Variants in PML observed in about 807,000 individuals in gnomAD.
PML encodes PML nuclear body scaffold.
Under a neutral mutation model 65.2 loss-of-function variants are expected in PML, and 28 were observed. The ratio of observed to expected loss-of-function variants is 0.43; its 90% CI spans 0.32 to 0.59. PML has a LOEUF of 0.59. PML is among the 20% of genes least tolerant of loss of function. The pLI is 0.08. For synonymous variants in PML, 500 were observed against 508.8 expected (o/e 0.98, Z 0.23); for missense variants, 1,021 against 1,203.4 (o/e 0.85, Z 2.24).
In PML at chr15:74,044,282, G is replaced by C. The variant is rs2071745501; in HGVS notation, c.1923G>C (p.Gln641His). ...AAAGCAAGTTCCGCGTGGTCATCCA[G>C]CCTGAAGCCTTCTTCAGCATCTACT... ...NRESKFRVVI[Q>H]PEAFFSIYSK... The change falls in exon 9 of 9, where the codon CAG becomes CAC. Residue 641 changes from glutamine to histidine, a missense_variant. By Grantham distance (24) the Gln-to-His change is conservative (BLOSUM62 0). Transcript: ENST00000268058. 1 of 1,613,938 alleles carries C rather than the reference G, an allele frequency of 6.2e-7. No individual in the cohort carries two copies. The highest frequency in any genetic ancestry group is 1.3e-5 in the African/African-American group (1 of 74,916).
chr15:74,036,332 A>C (rs1270083494), intron 7 of PML: 2 of 1,421,798 alleles, frequency 1.4e-6, no homozygotes, highest in African/African-American at 2.9e-5. Flanking sequence ...CCATGAGCAC[A>C]GGGACTGGCT....
At position 74,042,886 on chromosome 15, in the gene PML, A is replaced by C. The variant is rs945977163; in HGVS notation, c.1711-103A>C. ...CTTTCCCAGTGGTACACCCTCCTTC[A>C]TGTGCACGCAGATGCTCCCAGCTAT... On this transcript the variant is annotated intron_variant, in intron 7 of 8. Coordinates refer to ENST00000268058, the MANE Select transcript of PML (RefSeq NM_033238.3). This position sits in a 1 kb window ranked among gnomAD's most constrained non-coding sequence, Gnocchi z 5.3. 1 of 1,601,542 alleles carries C rather than the reference A, an allele frequency of 6.2e-7. No individual in the cohort carries two copies. Among genetic ancestry groups the C allele is most frequent in the Non-Finnish European group, 8.5e-7 (1 of 1,177,732 alleles).
chr15:73,998,070 T>C lies in PML; in HGVS notation c.196T>C (p.Cys66Arg). The C allele has an allele frequency of 6.2e-7, 1 of 1,613,484 alleles. No homozygotes were observed. Among genetic ancestry groups the C allele is most frequent in the Non-Finnish European group, 8.5e-7 (1 of 1,180,012 alleles). The change falls in exon 2 of 9, where the codon TGC (cysteine) becomes CGC (arginine). Residue 66 changes from cysteine (C) to arginine (R), a missense_variant. Transcript: ENST00000268058. Reference protein sequence around the residue: ...RCQQCQAEAKCPKLLPCLHTL... With the variant: ...RCQQCQAEAKRPKLLPCLHTL... ...CCAGCAATGCCAGGCGGAAGCCAAG[T>C]GCCCGAAGCTGCTGCCTTGTCTGCA...
chr15:74,043,392 C>A lies in PML; in HGVS notation c.1861+253C>A. ...GATGCCTCCACAAGTGCACCTCTGA[C>A]CAGTTCTTCTCTCAGACAGAGAGCC... On this transcript the variant is annotated intron_variant, in intron 8 of 8. Coordinates refer to ENST00000268058, the MANE Select transcript of PML (RefSeq NM_033238.3). This position sits in a 1 kb window ranked among gnomAD's most constrained non-coding sequence, Gnocchi z 4.3. The A allele has an allele frequency of 7.0e-7, 1 of 1,429,652 alleles. No individual in the cohort carries two copies. The highest frequency in any genetic ancestry group is 9.1e-7 in the Non-Finnish European group (1 of 1,097,610). The allele number at this position is 1,429,652 out of a possible 1,614,324, so 88.6% of individuals were successfully genotyped here.
chr15:74,002,004 GAAA>G (rs201339026), intron 2 of PML, among the ~76,000 whole-genome samples: 1 of 126,432 alleles, frequency 7.9e-6, no homozygotes. Context: ...ACCCTGACTC[GAAA>G]AAAAAAAAAA....
At position 74,032,352 on chromosome 15, in the gene PML, T is replaced by G. The variant is rs942308679; in HGVS notation, c.1255-220T>G. The G allele has an allele frequency of 1.9e-5, 11 of 589,916 alleles. No homozygotes were observed. The African/African-American group carries it at 2.0e-4, about 11-fold the overall frequency. The allele number at this position is 589,916 out of a possible 1,614,324, so 36.5% of individuals were successfully genotyped here. On this transcript the variant is annotated intron_variant, in intron 4 of 8. Coordinates refer to ENST00000268058, the MANE Select transcript of PML (RefSeq NM_033238.3). The stretch of plus-strand genomic sequence containing the variant: ...TTCAAGACCAGCGTGGGCAACATAG[T>G]GAGACCCTGTCTCTACAAAAAAATT...
chr15:74,007,832 A>G (rs2070138425), intron 2 of PML, among the ~76,000 whole-genome samples: 1 of 152,216 alleles, frequency 6.6e-6, no homozygotes, highest in South Asian at 2.1e-4. Context: ...CCTCCTTGAG[A>G]TCACAGCCTG....
intron 4 of PML, among the ~76,000 whole-genome samples, chr15:74,029,452 C>T (rs1319864628): frequency 6.6e-6 from 1 of 152,000 alleles, no homozygotes; most frequent in Non-Finnish European, 1.5e-5. Flanking sequence ...GATGAAACCT[C>T]GTCTCTTCTA....
chr15:74,046,497 C>T lies in PML; in HGVS notation c.*1489C>T. 1 of 232,870 alleles carries T rather than the reference C, an allele frequency of 4.3e-6. No homozygotes were observed. The highest frequency in any genetic ancestry group is 8.5e-6 in the Non-Finnish European group (1 of 117,772). 14.4% of individuals were successfully genotyped at this position (232,870 alleles called of 1,614,324 possible). A position where few individuals can be genotyped will look rare whatever the true frequency, so the allele number is the denominator to read the frequency against. ...ATCCCATGGGGCCCCTGAAGACCCA[C>T]TGAGGAATTCCGTAGGGTCTTGTTC... is the stretch of plus-strand genomic sequence containing the variant. On this transcript the variant is annotated 3_prime_UTR_variant, in exon 9 of 9. Transcript: ENST00000268058.
At chr15:74,036,406 C>A in intron 7 of PML, 2 of 1,331,206 alleles carry the variant, frequency 1.5e-6, no homozygotes, top group East Asian at 6.2e-5. Context: ...CCTTGCGAAC[C>A]CTTATTCCAC....
rs762496523 is a variant in PML at position 74,044,973 on chromosome 15, C to G, written c.2614C>G (p.Arg872Gly). Residue 872 changes from arginine to glycine, a missense_variant, in exon 9 of 9, where the codon CGT (arginine) becomes GGT (glycine). Physicochemically the swap from Arg to Gly is moderately radical, Grantham distance 125 (BLOSUM62 -2). Transcript: ENST00000268058. The part of the protein sequence containing the change: ...AEGVSTPLAG[R>G]GLAERASQQS The stretch of plus-strand genomic sequence containing the variant: ...AGGAGTCTCCACCCCACTTGCTGGC[C>G]GTGGCTTGGCAGAGAGGGCCTCCCA... 1 of 1,608,744 alleles carries G rather than the reference C, an allele frequency of 6.2e-7. No individual in the cohort carries two copies. The highest frequency in any genetic ancestry group is 1.7e-5 in the Admixed American group (1 of 59,912).
At chr15:74,005,898 C>T (rs957544889) in intron 2 of PML, among the ~76,000 whole-genome samples, 6 of 152,106 alleles carry the variant, frequency 3.9e-5, no homozygotes, top group African/African-American at 1.4e-4. Flanking sequence ...AATTTATACC[C>T]CACATTCAAT....
chr15:74,002,808 A>G (rs1013726455), intron 2 of PML, among the ~76,000 whole-genome samples: 4 of 152,062 alleles, frequency 2.6e-5, no homozygotes, highest in Non-Finnish European at 5.9e-5. Flanking sequence ...AATGATAATT[A>G]CAGAGTGGTA....
In PML at chr15:74,035,535, C is replaced by G. The variant is rs1472312684; in HGVS notation, c.1710+1005C>G. 1.2e-6 allele frequency: 2 copies of G among 1,610,404 alleles called. No homozygotes were observed. The highest frequency in any genetic ancestry group is 4.5e-5 in the East Asian group (2 of 44,828). On this transcript the variant is annotated intron_variant, in intron 7 of 8. Transcript: ENST00000268058. This position sits in a 1 kb window ranked among gnomAD's most constrained non-coding sequence, Gnocchi z 4.1. ...TCGGACTTGGTCTCCCCATGTGGTC[C>G]AAGCCAGCACTCCTGCCATCACAGG...
Position 74,043,220 on chromosome 15 carries a change from C to A in PML, c.1861+81C>A, listed in dbSNP as rs774960376. ...AAAGAAGTGCAGGCAGAGCCATCTG[C>A]CAGGCCCAGGAGAGCTCTGAGCTCT... On this transcript the variant is annotated intron_variant, in intron 8 of 8. Transcript: ENST00000268058. The surrounding 1 kb of genome is among the most constrained non-coding windows in gnomAD (Gnocchi z 4.3). The A allele has an allele frequency of 4.3e-6, 7 of 1,612,340 alleles. No homozygotes were observed. The South Asian group carries it at 7.7e-5, about 18-fold the overall frequency.
At chr15:74,012,890 G>A (rs560139829) in intron 2 of PML, among the ~76,000 whole-genome samples, 2 of 152,172 alleles carry the variant, frequency 1.3e-5, no homozygotes, top group South Asian at 4.1e-4. Context: ...TGTTGAGAAT[G>A]TCTTTGGGTT....
In PML at chr15:74,035,259, G is replaced by C. The variant is rs2071494768; in HGVS notation, c.1710+729G>C. On this transcript the variant is annotated intron_variant, in intron 7 of 8. Transcript: ENST00000268058. This position sits in a 1 kb window ranked among gnomAD's most constrained non-coding sequence, Gnocchi z 4.1. ...CTCCTCGCCAGCCCACTCCTCGCCAGTCCAGTCTCTGCTGAGAGCACAAGG... is the reference window on the plus strand; with the variant it reads ...CTCCTCGCCAGCCCACTCCTCGCCACTCCAGTCTCTGCTGAGAGCACAAGG... The C allele has an allele frequency of 1.2e-6, 2 of 1,612,810 alleles. No individual in the cohort carries two copies. The highest frequency in any genetic ancestry group is 1.7e-6 in the Non-Finnish European group (2 of 1,179,582).
intron 2 of PML, among the ~76,000 whole-genome samples, chr15:74,020,830 A>T (rs913034945): frequency 2.6e-5 from 4 of 152,158 alleles, no homozygotes; most frequent in African/African-American, 9.7e-5. Context: ...CAAAGCCGGC[A>T]ACATCACAAC....
chr15:74,000,318 T>G (rs796121953), intron 2 of PML, among the ~76,000 whole-genome samples: 39 of 152,208 alleles, frequency 2.6e-4, no homozygotes, highest in African/African-American at 9.4e-4. Flanking sequence ...TTTATTTTTA[T>G]TTTTTGAGAC....
Sources: allele counts gnomAD v4.1 joint callset (sites outside exome capture counted in the v4.1 genomes callset), GRCh38; gene constraint gnomAD v4.1.1; non-coding constraint Gnocchi (gnomAD v3.1); transcripts MANE v1.5; gene names NCBI Gene and HGNC (gene_info 2026-07-23, HGNC 2026-07-21).